The following GTF2IRD2 variants were observed in gnomAD, a reference collection of about 807,000 sequenced individuals.
GTF2IRD2 encodes general transcription factor II-I repeat domain-containing protein 2A.
In GTF2IRD2, 8 loss-of-function variants were observed where a neutral mutation model predicts 49.2. That is an observed-to-expected ratio of 0.16 (90% CI 0.10 to 0.29). The LOEUF is 0.29. Among genes scored for constraint, GTF2IRD2 ranks in the 10% least tolerant of loss-of-function variants. GTF2IRD2 has a pLI of 1.00. For missense variants in GTF2IRD2, 130 were observed against 725.7 expected, an observed-to-expected ratio of 0.18 and a Z score of 9.43; for synonymous variants, 47 against 289.7, an observed-to-expected ratio of 0.16 and a Z score of 8.51.
intron 1 of GTF2IRD2, among the ~76,000 whole-genome samples, chr7:74,844,310 C>T (rs1801072353): frequency 1.5e-5 from 2 of 135,806 alleles, no homozygotes; most frequent in Admixed American, 1.6e-4. Flanking sequence ...CACGCCTGGC[C>T]GAAAATTCTT....
In GTF2IRD2 at chr7:74,838,379, A is replaced by ATTT. The variant is rs3053908; in HGVS notation, c.-5-1999_-5-1997dup. Among the ~76,000 whole-genome samples the ATTT allele has an allele frequency of 6.4e-4, 69 of 107,260 alleles. 2 individuals are homozygous for ATTT. Among genetic ancestry groups the ATTT allele is most frequent in the Non-Finnish European group, 8.4e-4 (50 of 59,450 alleles). 70.4% of individuals were successfully genotyped at this position (107,260 alleles called of 152,430 possible). A position where few individuals can be genotyped will look rare whatever the true frequency, so the allele number is the denominator to read the frequency against. ...AAAGCTCACTCTAAATTTTGCCAAGATTTTTTTTTTTTTTTTTAGCTTTTT... is the reference window on the plus strand; with the variant it reads ...AAAGCTCACTCTAAATTTTGCCAAGATTTTTTTTTTTTTTTTTTTTAGCTTTTT... On this transcript the variant is annotated intron_variant, in intron 1 of 15. Transcript: ENST00000451013.
chr7:74,842,298 C>T (rs1800911254), intron 1 of GTF2IRD2, among the ~76,000 whole-genome samples: 1 of 129,802 alleles, frequency 7.7e-6, no homozygotes, highest in African/African-American at 3.2e-5. Context: ...GGCACAATCA[C>T]AGTTCACTGC....
chr7:74,831,500 TACATAC>T (rs1799855500), intron 3 of GTF2IRD2, among the ~76,000 whole-genome samples: 2 of 113,248 alleles, frequency 1.8e-5, no homozygotes, highest in African/African-American at 9.2e-5. Flanking sequence ...CCTCTCTCTG[TACATAC>T]ACACACACAC....
intron 3 of GTF2IRD2, among the ~76,000 whole-genome samples, chr7:74,829,887 C>CAAAAAAA (rs1554420189): frequency 1.7e-5 from 1 of 59,830 alleles, no homozygotes; most frequent in African/African-American, 6.0e-5. Context: ...GATTCTGTCT[C>CAAAAAAA]AAAAAAAAAA....
chr7:74,796,442 G>A lies in GTF2IRD2; in HGVS notation c.*220C>T. On this transcript the variant is annotated 3_prime_UTR_variant, in exon 16 of 16. Transcript: ENST00000451013. Reference sequence around the variant, plus strand: ...CCAGGCATGGTGGCGCACGCCTGTAGTCCCAGCTGCTCGGGAGGCTGAGGC... The same window carrying A: ...CCAGGCATGGTGGCGCACGCCTGTAATCCCAGCTGCTCGGGAGGCTGAGGC... 1 of 528,802 alleles carries A rather than the reference G, an allele frequency of 1.9e-6. No individual in the cohort carries two copies. The highest frequency in any genetic ancestry group is 3.4e-6 in the Non-Finnish European group (1 of 293,342). The allele number at this position is 528,802 out of a possible 1,614,324, so 32.8% of individuals were successfully genotyped here.
chr7:74,797,430 C>A lies in GTF2IRD2; in HGVS notation c.2082G>T (p.Leu694Phe). 6.2e-7 allele frequency: 1 copy of A among 1,610,380 alleles called. No homozygotes were observed. The highest frequency in any genetic ancestry group is 8.5e-7 in the Non-Finnish European group (1 of 1,179,118). Residue 694 changes from leucine to phenylalanine, a missense_variant, in exon 16 of 16, where the codon TTG (leucine) becomes TTT (phenylalanine). Transcript: ENST00000451013. The part of the protein sequence containing the change: ...RGLNHSEFTT[L>F]LYELDSQYGS... ...CATACTGGCTGTCCAGCTCATAGAG[C>A]AAGGTTGTGAACTCACTGTGGTTCA...
intron 3 of GTF2IRD2, among the ~76,000 whole-genome samples, chr7:74,831,412 C>G (rs1163915674): frequency 6.7e-6 from 1 of 149,270 alleles, no homozygotes; most frequent in African/African-American, 2.5e-5. Flanking sequence ...ATCTACCTAT[C>G]TATCTAATCT....
intron 10 of GTF2IRD2, among the ~76,000 whole-genome samples, chr7:74,809,797 T>C (rs1798010948): frequency 7.4e-6 from 1 of 135,312 alleles, no homozygotes; most frequent in African/African-American, 2.6e-5. Flanking sequence ...ATTATTATTA[T>C]TATTATTATC....
At position 74,798,088 on chromosome 7, in the gene GTF2IRD2, T is replaced by C; in HGVS notation, c.1424A>G (p.Asp475Gly). Residue 475 changes from aspartate to glycine, a missense_variant, in exon 16 of 16, where the codon GAC becomes GGC. By Grantham distance (94) the Asp-to-Gly change is moderately conservative (BLOSUM62 -1). Coordinates refer to ENST00000451013, the MANE Select transcript of GTF2IRD2 (RefSeq NM_173537.5). ...HYQTNHSKHY[D>G]QYMERMRDEK... Reference sequence around the variant, plus strand: ...GTCACGCATTCTTTCCATATACTGGTCATAATGCTTGCTGTGATTGGTTTG... The same window carrying C: ...GTCACGCATTCTTTCCATATACTGGCCATAATGCTTGCTGTGATTGGTTTG... The C allele has an allele frequency of 6.2e-7, 1 of 1,601,214 alleles. No individual in the cohort carries two copies. The highest frequency in any genetic ancestry group is 8.5e-7 in the Non-Finnish European group (1 of 1,177,206).
chr7:74,839,778 C>T (rs1554421500), intron 1 of GTF2IRD2, among the ~76,000 whole-genome samples: 1 of 58,156 alleles, frequency 1.7e-5, no homozygotes. Context: ...CTGAGGCAAG[C>T]GGATCACTTG....
At position 74,797,774 on chromosome 7, in the gene GTF2IRD2, G is replaced by C. The variant is rs587711654; in HGVS notation, c.1738C>G (p.Leu580Val). Residue 580 changes from leucine (L) to valine (V), a missense_variant, in exon 16 of 16, where the codon CTT becomes GTT. Leu to Val is a conservative substitution (Grantham distance 32, BLOSUM62 1). Transcript: ENST00000451013. ...CCCGTCATGGGCACCGTGTCCAGAA[G>C]TTCTTCGGACACATCGAAATTCTCA... ...VDENFDVSEE[L>V]LDTVPMTGTK... The C allele has an allele frequency of 6.2e-7, 1 of 1,600,116 alleles. No individual in the cohort carries two copies. The highest frequency in any genetic ancestry group is 2.3e-5 in the East Asian group (1 of 44,376).
intron 11 of GTF2IRD2, 37 bp from the exon 12 acceptor site, chr7:74,807,048 A>G: frequency 9.3e-6 from 1 of 107,988 alleles, no homozygotes; most frequent in Non-Finnish European, 1.6e-5. Context: ...TTTACCAAGA[A>G]TAAGACCAAT....
intron 8 of GTF2IRD2, among the ~76,000 whole-genome samples, chr7:74,815,797 G>GGAAAGAAAGAAAA (rs1798461185): frequency 1.1e-4 from 5 of 45,880 alleles, no homozygotes; most frequent in Non-Finnish European, 2.1e-4. Context: ...AAAGAAAGAA[G>GGAAAGAAAGAAAA]GAAAGAAAGA....
At chr7:74,807,352 A>G (rs2131658199) in intron 11 of GTF2IRD2, among the ~76,000 whole-genome samples, 1 of 84,698 alleles carries the variant, frequency 1.2e-5, no homozygotes, top group South Asian at 5.3e-4. Context: ...ATCTCGGCTC[A>G]CTGCAACCTT....
intron 2 of GTF2IRD2, among the ~76,000 whole-genome samples, chr7:74,834,985 T>C: frequency 9.3e-6 from 1 of 107,012 alleles, no homozygotes; most frequent in African/African-American, 4.9e-5. Context: ...GGGATTACAG[T>C]CTGACTATGC....
intron 12 of GTF2IRD2, among the ~76,000 whole-genome samples, chr7:74,806,536 TC>T (rs1448099812): frequency 2.6e-5 from 4 of 152,264 alleles, no homozygotes; most frequent in Non-Finnish European, 5.9e-5. Context: ...GGTCTCGATC[TC>T]CTGACCTCGT....
chr7:74,825,220 T>G (rs1799271889), intron 3 of GTF2IRD2, among the ~76,000 whole-genome samples, 168 bp from the exon 4 acceptor site: 1 of 136,654 alleles, frequency 7.3e-6, no homozygotes, highest in African/African-American at 2.8e-5. Context: ...AACAGGTTAA[T>G]GAACTATAAA....
At chr7:74,818,469 T>TG (rs1798633492) in intron 8 of GTF2IRD2, among the ~76,000 whole-genome samples, 7 of 141,956 alleles carry the variant, frequency 4.9e-5, no homozygotes, top group African/African-American at 1.9e-4. Context: ...TTTTTTTTTT[T>TG]TTTTTTTTGA....
chr7:74,826,655 GC>G (rs1799417072), intron 3 of GTF2IRD2, among the ~76,000 whole-genome samples: 1 of 102,196 alleles, frequency 9.8e-6, no homozygotes, highest in African/African-American at 4.3e-5. Context: ...AAAGACAATA[GC>G]CCCCAATCCC....
Sources: allele counts gnomAD v4.1 joint callset (sites outside exome capture counted in the v4.1 genomes callset), GRCh38; gene constraint gnomAD v4.1.1; transcripts MANE v1.5; gene names NCBI Gene and HGNC (gene_info 2026-07-23, HGNC 2026-07-21).